The following FRAS1 variants were observed in gnomAD, a reference collection of about 807,000 sequenced individuals.
FRAS1 encodes the protein extracellular matrix organizing protein FRAS1.
In FRAS1, 290 loss-of-function variants were observed where a neutral mutation model predicts 435.2. The ratio of observed to expected loss-of-function variants is 0.67; its 90% CI spans 0.61 to 0.73. FRAS1 has a LOEUF of 0.73. FRAS1 is among the 30% of genes least tolerant of loss of function. The probability of loss-of-function intolerance (pLI) is 0.00; values close to 1 mark genes in which losing one functional copy is unlikely to be tolerated. For synonymous variants in FRAS1, 1,800 were observed against 1,851.0 expected (o/e 0.97, Z 0.71); for missense variants, 4,860 against 5,001.5 (o/e 0.97, Z 0.85).
chr4:78,382,460 T>G (rs1409194451), intron 27 of FRAS1, among the ~76,000 whole-genome samples: 3 of 152,110 alleles, frequency 2.0e-5, no homozygotes, highest in Non-Finnish European at 4.4e-5. Context: ...GGAACCTCAG[T>G]GCCACCAAAA....
chr4:78,086,294 A>G (rs1337819216), intron 2 of FRAS1, among the ~76,000 whole-genome samples: 2 of 152,232 alleles, frequency 1.3e-5, no homozygotes, highest in Non-Finnish European at 2.9e-5. Context: ...AGGGAAATTT[A>G]TAGCACTGAA....
At chr4:78,141,757 A>G (rs1340528525) in intron 2 of FRAS1, among the ~76,000 whole-genome samples, 3 of 152,204 alleles carry the variant, frequency 2.0e-5, no homozygotes, top group African/African-American at 4.8e-5. Flanking sequence ...CAATGAATGG[A>G]TAAAGAAAGT....
chr4:78,164,822 C>T (rs899299357), intron 2 of FRAS1, among the ~76,000 whole-genome samples: 2 of 152,164 alleles, frequency 1.3e-5, no homozygotes, highest in Non-Finnish European at 2.9e-5. Flanking sequence ...AGCCTAAACA[C>T]AGTCTAAAGT....
chr4:78,243,028 C>T (rs1449193480), intron 3 of FRAS1, among the ~76,000 whole-genome samples: 1 of 152,186 alleles, frequency 6.6e-6, no homozygotes, highest in Non-Finnish European at 1.5e-5. Context: ...CCAGTTCTGT[C>T]AGAAGCTATC....
At chr4:78,482,987 T>C (rs1041650181) in intron 58 of FRAS1, among the ~76,000 whole-genome samples, 1 of 152,202 alleles carries the variant, frequency 6.6e-6, no homozygotes, top group Admixed American at 6.5e-5. Context: ...TAATGCATAA[T>C]AAAGGAAAAC....
intron 2 of FRAS1, among the ~76,000 whole-genome samples, chr4:78,206,237 G>A (rs1004425359): frequency 1.3e-5 from 2 of 152,202 alleles, no homozygotes; most frequent in Admixed American, 6.5e-5. Flanking sequence ...TTATACTACA[G>A]AGGAGAAGAT....
intron 70 of FRAS1, among the ~76,000 whole-genome samples, chr4:78,531,485 A>C (rs2109902968): frequency 6.6e-6 from 1 of 152,306 alleles, no homozygotes; most frequent in Middle Eastern, 3.4e-3. Context: ...TTTGTCATAA[A>C]TAGCTCTTAT....
intron 29 of FRAS1, among the ~76,000 whole-genome samples, chr4:78,391,957 A>G (rs913889570): frequency 1.3e-4 from 19 of 151,722 alleles, no homozygotes; most frequent in Non-Finnish European, 2.8e-4. Context: ...ATAAATAACT[A>G]AATCCTTGCC....
At chr4:78,319,211 C>T (rs1372169228) in intron 18 of FRAS1, 6 of 562,524 alleles carry the variant, frequency 1.1e-5, no homozygotes, top group Non-Finnish European at 1.9e-5. Flanking sequence ...TTCCACTCCA[C>T]CTTTTCCAAG....
At chr4:78,154,588 T>C (rs1267419632) in intron 2 of FRAS1, among the ~76,000 whole-genome samples, 4 of 152,178 alleles carry the variant, frequency 2.6e-5, no homozygotes, top group African/African-American at 9.7e-5. Context: ...CAGTTGACAC[T>C]GGGGAGGTCA....
intron 2 of FRAS1, among the ~76,000 whole-genome samples, chr4:78,120,089 A>T (rs2867005): frequency 2.0e-5 from 3 of 152,156 alleles, no homozygotes; most frequent in Admixed American, 2.0e-4. Flanking sequence ...ATGGATGTTT[A>T]TCATATTGTT....
At chr4:78,180,295 G>A (rs1434257026) in intron 2 of FRAS1, among the ~76,000 whole-genome samples, 2 of 151,866 alleles carry the variant, frequency 1.3e-5, no homozygotes, top group Non-Finnish European at 2.9e-5. Context: ...CATGAGAAGT[G>A]AAAAAAGATT....
intron 59 of FRAS1, 39 bp from the exon 60 acceptor site, chr4:78,496,766 T>A (rs1380688290): frequency 6.4e-7 from 1 of 1,565,924 alleles, no homozygotes; most frequent in Admixed American, 2.0e-5. Flanking sequence ...ACTGATATCT[T>A]GCTGAAAATT....
chr4:78,387,071 T>TA (rs1732243461), intron 28 of FRAS1, among the ~76,000 whole-genome samples: 1 of 152,194 alleles, frequency 6.6e-6, no homozygotes, highest in Admixed American at 6.5e-5. Flanking sequence ...TCTTTTGGGA[T>TA]AAATTTAAGT....
intron 2 of FRAS1, among the ~76,000 whole-genome samples, chr4:78,180,447 T>A (rs1289035892): frequency 6.6e-6 from 1 of 152,352 alleles, no homozygotes; most frequent in South Asian, 2.1e-4. Context: ...AAAGCCAGTA[T>A]GTCCAATATT....
At position 78,065,982 on chromosome 4, in the gene FRAS1, C is replaced by T. The variant is rs142810968; in HGVS notation, c.77-3C>T. On this transcript the variant is annotated splice_region_variant and splice_polypyrimidine_tract_variant and intron_variant, in intron 1 of 73. Coordinates refer to ENST00000512123, the MANE Select transcript of FRAS1 (RefSeq NM_025074.7). The stretch of plus-strand genomic sequence containing the variant: ...TTAATTCTTGTTTTGTTTTTCCCCA[C>T]AGGTGCTTGTGTCTATCAGGATTCC... The T allele has an allele frequency of 1.2e-5, 19 of 1,605,212 alleles. No individual in the cohort carries two copies. The East Asian group carries it at 4.2e-4, about 36-fold the overall frequency.
At chr4:78,486,142 T>G (rs956388414) in intron 58 of FRAS1, among the ~76,000 whole-genome samples, 1 of 152,194 alleles carries the variant, frequency 6.6e-6, no homozygotes, top group Non-Finnish European at 1.5e-5. Flanking sequence ...ACATACTCAT[T>G]AACTCGTGAA....
intron 30 of FRAS1, among the ~76,000 whole-genome samples, chr4:78,406,585 G>C (rs1733104694): frequency 6.6e-6 from 1 of 152,154 alleles, no homozygotes; most frequent in Admixed American, 6.5e-5. Context: ...ACCTTCCCCT[G>C]GGTCCCTTCT....
intron 2 of FRAS1, among the ~76,000 whole-genome samples, chr4:78,084,701 G>A (rs1002664593): frequency 6.6e-6 from 1 of 151,998 alleles, no homozygotes; most frequent in Non-Finnish European, 1.5e-5. Flanking sequence ...TACATTTCCT[G>A]CTCTAGTCCT....
Sources: allele counts gnomAD v4.1 joint callset (sites outside exome capture counted in the v4.1 genomes callset), GRCh38; gene constraint gnomAD v4.1.1; transcripts MANE v1.5; gene names NCBI Gene and HGNC (gene_info 2026-07-23, HGNC 2026-07-21).